The following SMARCA4 variants were observed in gnomAD, a reference collection of about 807,000 sequenced individuals.
SMARCA4 encodes the protein SWI/SNF-related matrix-associated actin-dependent regulator of chromatin subfamily A member 4.
In SMARCA4, 31 loss-of-function variants were observed where a neutral mutation model predicts 193.9. The observed-to-expected ratio is 0.16, with a 90% CI of 0.12 to 0.22. The LOEUF is 0.22. Among genes scored for constraint, SMARCA4 ranks in the 10% least tolerant of loss-of-function variants. The pLI is 1.00. For missense variants in SMARCA4, 1,148 were observed against 2,296.0 expected, an observed-to-expected ratio of 0.50 and a Z score of 10.22; for synonymous variants, 942 against 933.1, an observed-to-expected ratio of 1.01 and a Z score of -0.17.
At position 11,019,293 on chromosome 19, in the gene SMARCA4, A is replaced by G. The variant is rs936884470; in HGVS notation, c.2505+270A>G. The G allele has an allele frequency of 5.1e-5, 31 of 607,494 alleles. No homozygotes were observed. The highest frequency in any genetic ancestry group is 8.8e-5 in the Non-Finnish European group (30 of 340,188). 37.6% of individuals were successfully genotyped at this position (607,494 alleles called of 1,614,324 possible). A position where few individuals can be genotyped will look rare whatever the true frequency, so the allele number is the denominator to read the frequency against. Reference sequence around the variant, plus strand: ...GCTCAGGCGCCTGAGATGGGGACCCAGGAAGAGGGGAGCCTGTCAGCCACC... The same window carrying G: ...GCTCAGGCGCCTGAGATGGGGACCCGGGAAGAGGGGAGCCTGTCAGCCACC... On this transcript the variant is annotated intron_variant, in intron 17 of 34. Coordinates refer to ENST00000344626, the MANE Select transcript of SMARCA4 (RefSeq NM_003072.5). The surrounding 1 kb of genome is among the most constrained non-coding windows in gnomAD (Gnocchi z 6.1).
intron 24 of SMARCA4, among the ~76,000 whole-genome samples, chr19:11,028,806 T>C (rs988796787): frequency 2.0e-5 from 3 of 152,166 alleles, no homozygotes; most frequent in African/African-American, 7.2e-5. Flanking sequence ...TGGGAGTTAC[T>C]AGAACTGGGC....
chr19:11,039,422 G>A (rs779682501), intron 29 of SMARCA4: 15 of 1,347,870 alleles, frequency 1.1e-5, no homozygotes, highest in Admixed American at 6.2e-5. Context: ...GTTGTGCACT[G>A]AAACACTAAA....
Position 11,034,929 on chromosome 19 carries a change from C to A in SMARCA4, c.3967C>A (p.Arg1323Ser), listed in dbSNP as rs867953095. The A allele has an allele frequency of 6.4e-7, 1 of 1,570,146 alleles. No homozygotes were observed. The highest frequency in any genetic ancestry group is 1.2e-5 in the South Asian group (1 of 85,718). The stretch of plus-strand genomic sequence containing the variant: ...TGCCCACCAGCGCATGGACCTGGAC[C>A]GCAGGCGCGAGGAGGCCCGCAACCC... The part of the protein sequence containing the change: ...FDLFMRMDLD[R>S]RREEARNPKR... The change falls in exon 29 of 35, where the codon CGC becomes AGC. Residue 1323 changes from arginine to serine, a missense_variant. Arg to Ser is a moderately radical substitution (Grantham distance 110, BLOSUM62 -1). Coordinates refer to ENST00000344626, the MANE Select transcript of SMARCA4 (RefSeq NM_003072.5). This position sits in a 1 kb window ranked among gnomAD's most constrained non-coding sequence, Gnocchi z 7.0.
chr19:11,021,246 C>T (rs1029451309), intron 18 of SMARCA4: 7 of 323,024 alleles, frequency 2.2e-5, no homozygotes, highest in Admixed American at 1.7e-4. Context: ...CCGCATGGCC[C>T]TGTATGTAGT....
At chr19:10,963,753 G>A (rs538525209) in intron 1 of SMARCA4, among the ~76,000 whole-genome samples, 4 of 151,056 alleles carry the variant, frequency 2.6e-5, no homozygotes, top group Admixed American at 6.6e-5. Flanking sequence ...CACCTGATGC[G>A]TAGTGAACAC....
At position 11,026,337 on chromosome 19, in the gene SMARCA4, T is replaced by A; in HGVS notation, c.3206T>A (p.Ile1069Asn). 6.2e-7 allele frequency: 1 copy of A among 1,613,806 alleles called. No homozygotes were observed. Among genetic ancestry groups the A allele is most frequent in the Non-Finnish European group, 8.5e-7 (1 of 1,179,826 alleles). The part of the protein sequence containing the change: ...FSEHLGFTGG[I>N]VQGLDLYRAS... Reference sequence around the variant, plus strand: ...GAGCACTTGGGGTTCACTGGCGGCATTGTCCAAGGGTGAGAAGCTTCCCAA... The same window carrying A: ...GAGCACTTGGGGTTCACTGGCGGCAATGTCCAAGGGTGAGAAGCTTCCCAA... Residue 1069 changes from isoleucine to asparagine, a missense_variant, in exon 23 of 35, where the codon ATT becomes AAT. Physicochemically the swap from Ile to Asn is moderately radical, Grantham distance 149. Around this residue, in one of 17 missense-constraint regions of SMARCA4, gnomAD observed 74 missense variants for 392.3 expected, o/e 0.19. Coordinates refer to ENST00000344626, the MANE Select transcript of SMARCA4 (RefSeq NM_003072.5).
At chr19:11,057,190 G>A (rs1022723949) in intron 30 of SMARCA4, among the ~76,000 whole-genome samples, 1 of 152,198 alleles carries the variant, frequency 6.6e-6, no homozygotes, top group African/African-American at 2.4e-5. Flanking sequence ...AGGAGAGCGC[G>A]TTTGCCATGC....
intron 22 of SMARCA4, 157 bp downstream of exon 22, chr19:11,025,665 T>C: frequency 1.5e-6 from 1 of 665,638 alleles, no homozygotes; most frequent in Non-Finnish European, 2.8e-6. Flanking sequence ...GCTTCACCAG[T>C]GCTTACGGGA....
intron 1 of SMARCA4, among the ~76,000 whole-genome samples, chr19:10,969,104 C>G (rs1011518741): frequency 6.6e-6 from 1 of 152,174 alleles, no homozygotes; most frequent in Non-Finnish European, 1.5e-5. Flanking sequence ...ATGGCTTAAC[C>G]TCTTTGAACT....
At position 10,974,617 on chromosome 19, in the gene SMARCA4, G is replaced by A. The variant is rs78524781; in HGVS notation, c.-31-9504G>A. Among the ~76,000 whole-genome samples the A allele has an allele frequency of 5.2e-3, 696 of 133,350 alleles. 20 individuals carry two copies. The East Asian group carries it at 0.096, about 18-fold the overall frequency. The allele number at this position is 133,350 out of a possible 152,430, so 87.5% of individuals were successfully genotyped here. On this transcript the variant is annotated intron_variant, in intron 1 of 34. Coordinates refer to ENST00000344626, the MANE Select transcript of SMARCA4 (RefSeq NM_003072.5). ...GAGAGCTACTGGCTGTGCTGACAGC[G>A]GTTTGTGCATGTTTTCTTTGGGGTA...
rs1195158895 is a variant in SMARCA4 at position 11,060,069 on chromosome 19, A to G, written c.4793A>G (p.Lys1598Arg). Reference protein sequence around the residue: ...SESRSVKVKIKLGRKEKAQDR... With the variant: ...SESRSVKVKIRLGRKEKAQDR... ...GCTCGGTCCGTCAAAGTGAAGATCA[A>G]GCTTGGCCGGAAGGAGAAGGCACAG... The change falls in exon 34 of 35, where the codon AAG (lysine) becomes AGG (arginine). Residue 1598 changes from lysine to arginine, a missense_variant. Physicochemically the swap from Lys to Arg is conservative, Grantham distance 26. This residue lies in a region of SMARCA4 where 105 missense variants were observed against 133.7 expected (regional missense o/e 0.79). Coordinates refer to ENST00000344626, the MANE Select transcript of SMARCA4 (RefSeq NM_003072.5). The G allele has an allele frequency of 1.3e-6, 2 of 1,556,290 alleles. No homozygotes were observed. The highest frequency in any genetic ancestry group is 1.7e-6 in the Non-Finnish European group (2 of 1,149,922).
chr19:11,034,876 C>A lies in SMARCA4; in HGVS notation c.3952-38C>A, dbSNP rs2146693873. The A allele has an allele frequency of 7.1e-7, 1 of 1,405,990 alleles. No individual in the cohort carries two copies. Among genetic ancestry groups the A allele is most frequent in the Non-Finnish European group, 9.8e-7 (1 of 1,020,480 alleles). The allele number at this position is 1,405,990 out of a possible 1,614,324, so 87.1% of individuals were successfully genotyped here. On this transcript the variant is annotated intron_variant, in intron 28 of 34. Coordinates refer to ENST00000344626, the MANE Select transcript of SMARCA4 (RefSeq NM_003072.5). The surrounding 1 kb of genome is among the most constrained non-coding windows in gnomAD (Gnocchi z 7.0). ...GGCTCTAGCGTGCCCCTGGTGCCTG[C>A]ATGCTGATGCCTCTCCCGTTGCCTC... is the stretch of plus-strand genomic sequence containing the variant.
chr19:11,012,906 G>C (rs775184110), intron 15 of SMARCA4, 43 bp from the exon 16 acceptor site: 1 of 1,608,726 alleles, frequency 6.2e-7, no homozygotes, highest in East Asian at 2.2e-5. Context: ...TCTGGTGTCC[G>C]ACCCGGCCTT....
At chr19:10,988,722 A>G (rs962358727) in intron 6 of SMARCA4, among the ~76,000 whole-genome samples, 2 of 151,728 alleles carry the variant, frequency 1.3e-5, no homozygotes, top group Admixed American at 6.6e-5. Flanking sequence ...TATTTTTTTT[A>G]AATCTCCTTT....
rs1060504448 is a variant in SMARCA4, at chr19:10,987,865, C to T, written c.1059C>T (p.Thr353=). The T allele has an allele frequency of 6.2e-7, 1 of 1,612,904 alleles. No homozygotes were observed. The highest frequency in any genetic ancestry group is 1.1e-5 in the South Asian group (1 of 90,946). The stretch of plus-strand genomic sequence containing the variant: ...TGCACCAGAAGCAGAGCCGCATCAC[C>T]CCCATCCAGAAGCCGCGGGGCCTCG... ...VPLHQKQSRI[T]PIQKPRGLDP... The change falls in exon 6 of 35, where the codon ACC becomes ACT. Residue 353 remains threonine (T), a synonymous_variant. Coordinates refer to ENST00000344626, the MANE Select transcript of SMARCA4 (RefSeq NM_003072.5). The surrounding 1 kb of genome is among the most constrained non-coding windows in gnomAD (Gnocchi z 5.3).
At chr19:10,988,349 C>G (rs1377701080) in intron 6 of SMARCA4, among the ~76,000 whole-genome samples, 1 of 152,174 alleles carries the variant, frequency 6.6e-6, no homozygotes, top group Non-Finnish European at 1.5e-5. Flanking sequence ...TCTCGAGCTC[C>G]TGACCTCAGA....
chr19:11,012,847 G>T, intron 15 of SMARCA4, 102 bp from the exon 16 acceptor site: 1 of 1,066,300 alleles, frequency 9.4e-7, no homozygotes, highest in Admixed American at 1.8e-5. Flanking sequence ...TGTGGCTTAG[G>T]CAGAACTCGT....
intron 1 of SMARCA4, among the ~76,000 whole-genome samples, chr19:10,978,646 A>C (rs2085323026): frequency 1.3e-5 from 2 of 148,860 alleles, no homozygotes; most frequent in South Asian, 4.7e-4. Context: ...ACTTTTTAAA[A>C]GTGGATACCG....
intron 1 of SMARCA4, among the ~76,000 whole-genome samples, chr19:10,962,218 A>G (rs2083866954): frequency 1.3e-5 from 2 of 152,164 alleles, no homozygotes; most frequent in African/African-American, 2.4e-5. Context: ...GTAATCTCCC[A>G]AATGGAATTG....
Sources: allele counts gnomAD v4.1 joint callset (sites outside exome capture counted in the v4.1 genomes callset), GRCh38; gene constraint gnomAD v4.1.1; regional missense constraint gnomAD v4.1.1; non-coding constraint Gnocchi (gnomAD v3.1); transcripts MANE v1.5; gene names NCBI Gene and HGNC (gene_info 2026-07-23, HGNC 2026-07-21).